Variants in KCNB2 observed in about 807,000 individuals in gnomAD.
KCNB2 encodes delayed rectifier potassium channel protein.
In KCNB2, 15 loss-of-function variants were observed where a neutral mutation model predicts 61.5. That is an observed-to-expected ratio of 0.24 (90% CI 0.16 to 0.38). KCNB2 has a LOEUF of 0.38. Among genes scored for constraint, KCNB2 ranks in the 10% least tolerant of loss-of-function variants. KCNB2 has a pLI of 1.00. For missense variants in KCNB2, 828 were observed against 1,125.2 expected, an observed-to-expected ratio of 0.74 and a Z score of 3.78; for synonymous variants, 457 against 446.0, an observed-to-expected ratio of 1.02 and a Z score of -0.31.
chr8:72,564,647 A>G (rs751998240), intron 1 of KCNB2, among the ~76,000 whole-genome samples: 3 of 152,170 alleles, frequency 2.0e-5, no homozygotes, highest in Non-Finnish European at 4.4e-5. Flanking sequence ...ATATATATAT[A>G]GTTCATCATC....
At chr8:72,931,462 C>G (rs902921008) in intron 2 of KCNB2, among the ~76,000 whole-genome samples, 8 of 152,172 alleles carry the variant, frequency 5.3e-5, no homozygotes, top group African/African-American at 1.9e-4. Flanking sequence ...TTTGTGTCCT[C>G]TTTTATTTTA....
intron 1 of KCNB2, among the ~76,000 whole-genome samples, chr8:72,543,076 A>G (rs186866652): frequency 6.6e-6 from 1 of 152,200 alleles, no homozygotes; most frequent in Non-Finnish European, 1.5e-5. Flanking sequence ...TAGAGCCACA[A>G]CACTCTACTC....
chr8:72,734,206 T>C (rs1172576592), intron 2 of KCNB2, among the ~76,000 whole-genome samples: 1 of 152,210 alleles, frequency 6.6e-6, no homozygotes, highest in Non-Finnish European at 1.5e-5. Flanking sequence ...GCATTATCAT[T>C]TCAAAGGTGC....
At chr8:72,657,016 A>G (rs1806302589) in intron 2 of KCNB2, among the ~76,000 whole-genome samples, 1 of 152,192 alleles carries the variant, frequency 6.6e-6, no homozygotes, top group African/African-American at 2.4e-5. Flanking sequence ...TCATTAGGGT[A>G]GAAAACCACC....
intron 2 of KCNB2, among the ~76,000 whole-genome samples, chr8:72,683,382 A>C (rs1385276092): frequency 1.3e-5 from 2 of 152,232 alleles, no homozygotes; most frequent in East Asian, 1.9e-4. Context: ...AGAAAGAAGA[A>C]AACAATAAAA....
intron 2 of KCNB2, among the ~76,000 whole-genome samples, chr8:72,615,964 T>C (rs536651434): frequency 3.2e-4 from 49 of 152,284 alleles, no homozygotes; most frequent in African/African-American, 1.1e-3. Flanking sequence ...GAAAATAATT[T>C]ATTGCTTTTG....
intron 2 of KCNB2, among the ~76,000 whole-genome samples, chr8:72,655,946 T>A (rs1035844449): frequency 1.3e-5 from 2 of 152,126 alleles, no homozygotes; most frequent in African/African-American, 4.8e-5. Flanking sequence ...CATAGTCAGA[T>A]GAGAGACAAT....
intron 2 of KCNB2, among the ~76,000 whole-genome samples, chr8:72,616,830 G>A (rs1805626636): frequency 1.3e-5 from 2 of 152,154 alleles, no homozygotes; most frequent in Non-Finnish European, 1.5e-5. Flanking sequence ...ATGAAGAGGA[G>A]GAGTTAATAT....
intron 1 of KCNB2, among the ~76,000 whole-genome samples, chr8:72,567,303 C>T (rs1806638855): frequency 6.6e-6 from 1 of 151,896 alleles, no homozygotes; most frequent in Non-Finnish European, 1.5e-5. Context: ...CAGAGAGAGA[C>T]CTGTCTCAAA....
intron 2 of KCNB2, 82 bp downstream of exon 2, chr8:72,568,395 T>G: frequency 4.1e-6 from 5 of 1,228,128 alleles, no homozygotes; most frequent in African/African-American, 1.5e-5. Context: ...GTTTTTTTAC[T>G]GTTTTGGTAA....
intron 2 of KCNB2, among the ~76,000 whole-genome samples, chr8:72,641,891 C>G (rs1806061492): frequency 6.6e-6 from 1 of 152,048 alleles, no homozygotes; most frequent in South Asian, 2.1e-4. Flanking sequence ...AACTGCAGTA[C>G]CAGGAATTTC....
chr8:72,673,310 G>C (rs1408528056), intron 2 of KCNB2, among the ~76,000 whole-genome samples: 2 of 152,192 alleles, frequency 1.3e-5, no homozygotes, highest in African/African-American at 4.8e-5. Context: ...CATGGGAGCA[G>C]TTTCCCCCGT....
At chr8:72,729,188 A>G (rs1807700458) in intron 2 of KCNB2, among the ~76,000 whole-genome samples, 1 of 152,222 alleles carries the variant, frequency 6.6e-6, no homozygotes, top group African/African-American at 2.4e-5. Flanking sequence ...CACATGGCCC[A>G]TAGGAAGTGC....
chr8:72,883,946 T>C (rs1325193881), intron 2 of KCNB2, among the ~76,000 whole-genome samples: 1 of 152,182 alleles, frequency 6.6e-6, no homozygotes. Context: ...CACCCAGAAG[T>C]GGAATTGCAA....
intron 2 of KCNB2, among the ~76,000 whole-genome samples, chr8:72,745,534 C>T (rs1377928593): frequency 6.6e-6 from 1 of 152,188 alleles, no homozygotes; most frequent in Non-Finnish European, 1.5e-5. Flanking sequence ...AGAACATATA[C>T]ACATAGGGCA....
chr8:72,758,267 A>G (rs115882847), intron 2 of KCNB2, among the ~76,000 whole-genome samples: 4,632 of 152,246 alleles, frequency 0.03, 239 homozygotes, highest in African/African-American at 0.1. Flanking sequence ...GGAGACTAGC[A>G]ATATGTAGTG....
chr8:72,899,030 C>A lies in KCNB2; in HGVS notation c.580-36905C>A, dbSNP rs542656655. 1.6e-3 allele frequency among the ~76,000 whole-genome samples: 250 copies of A among 152,146 alleles called. 3 individuals are homozygous for A. Among genetic ancestry groups the A allele is most frequent in the African/African-American group, 5.7e-3 (238 of 41,542 alleles). On this transcript the variant is annotated intron_variant, in intron 2 of 2. Coordinates refer to ENST00000523207, the MANE Select transcript of KCNB2 (RefSeq NM_004770.3). Reference sequence around the variant, plus strand: ...TGTATATGTACCACATTTTCCTTATCCAATCCACCATTGATGGGCACCTAG... The same window carrying A: ...TGTATATGTACCACATTTTCCTTATACAATCCACCATTGATGGGCACCTAG...
At chr8:72,690,534 T>C (rs1294726717) in intron 2 of KCNB2, among the ~76,000 whole-genome samples, 1 of 152,210 alleles carries the variant, frequency 6.6e-6, no homozygotes, top group Non-Finnish European at 1.5e-5. Flanking sequence ...ACTTGGCACT[T>C]TCTGTAATTC....
At chr8:72,736,280 A>G (rs949545593) in intron 2 of KCNB2, among the ~76,000 whole-genome samples, 2 of 152,052 alleles carry the variant, frequency 1.3e-5, no homozygotes, top group Non-Finnish European at 2.9e-5. Context: ...TAAAAAAAAA[A>G]GCTTGAAATC....
Sources: gnomAD v4.1 joint callset for allele counts (sites outside exome capture counted in the v4.1 genomes callset) on GRCh38, gnomAD v4.1.1 for gene constraint, MANE v1.5 for transcripts, NCBI Gene and HGNC (gene_info 2026-07-23, HGNC 2026-07-21) for gene names.